RUNX2: variants seen among roughly 807,000 people sequenced by gnomAD.
RUNX2 encodes the protein RUNX family transcription factor 2, also known as runt-related transcription factor 2.
RUNX2 carries 10 observed loss-of-function variants against 51.7 expected under a neutral mutation model. The ratio of observed to expected loss-of-function variants is 0.19; its 90% confidence interval spans 0.12 to 0.33. RUNX2 has a LOEUF of 0.33. RUNX2 is among the 10% of genes least tolerant of loss of function. The probability of loss-of-function intolerance (pLI) is 1.00; values close to 1 mark genes in which losing one functional copy is unlikely to be tolerated. For missense variants in RUNX2, 562 were observed against 691.3 expected (o/e 0.81, Z 2.10); for synonymous variants, 276 against 273.6 (o/e 1.01, Z -0.09).
chr6:45,429,346 T>C (rs1798472953), intron 3 of RUNX2, among the ~76,000 whole-genome samples: 1 of 152,244 alleles, frequency 6.6e-6, no homozygotes, highest in Non-Finnish European at 1.5e-5. Context: ...ATGCTGAGTG[T>C]ACAAAATGTC....
At chr6:45,413,847 G>A (rs17209874) in intron 2 of RUNX2, among the ~76,000 whole-genome samples, 12,180 of 152,136 alleles carry the variant, frequency 0.08, 715 homozygotes, top group South Asian at 0.18. Flanking sequence ...GAAATCACTC[G>A]GTAAGTTCTC....
intron 5 of RUNX2, among the ~76,000 whole-genome samples, chr6:45,486,528 T>A (rs1013558908): frequency 6.6e-6 from 1 of 152,196 alleles, no homozygotes; most frequent in Non-Finnish European, 1.5e-5. Context: ...AGGGAATTTT[T>A]AAAATCAAGT....
At chr6:45,541,429 T>G (rs578063645) in intron 7 of RUNX2, among the ~76,000 whole-genome samples, 1 of 152,256 alleles carries the variant, frequency 6.6e-6, no homozygotes, top group East Asian at 1.9e-4. Context: ...GGGGAGAAGA[T>G]TCTTGGTTAC....
At chr6:45,332,238 C>A (rs185847941) in intron 2 of RUNX2, among the ~76,000 whole-genome samples, 191 of 151,536 alleles carry the variant, frequency 1.3e-3, no homozygotes, top group Middle Eastern at 3.4e-3. Context: ...AGAGGGCTTT[C>A]CCCCTCCCCC....
chr6:45,404,277 AAAAG>A (rs1563071103), intron 2 of RUNX2, among the ~76,000 whole-genome samples: 11 of 141,452 alleles, frequency 7.8e-5, no homozygotes, highest in Non-Finnish European at 1.1e-4. Context: ...AAAAAAAAGA[AAAAG>A]AAAAAAGAAA....
At chr6:45,341,997 G>C (rs562082429) in intron 2 of RUNX2, among the ~76,000 whole-genome samples, 1 of 151,906 alleles carries the variant, frequency 6.6e-6, no homozygotes, top group African/African-American at 2.4e-5. Context: ...TATTAACCTA[G>C]CATTAAAAAA....
chr6:45,351,629 A>G (rs1381060388), intron 2 of RUNX2, among the ~76,000 whole-genome samples: 2 of 152,030 alleles, frequency 1.3e-5, no homozygotes, highest in Non-Finnish European at 2.9e-5. Context: ...TACTCTACCT[A>G]GTTTTATACT....
rs58676176 is a variant in RUNX2 at position 45,434,535 on chromosome 6, T to G, written c.580+2516T>G. ...AAAGGAGTCATGTCACTACTGACTTTGACTTTATGGGTCATCTTATGACCA... is the reference window on the plus strand; with the variant it reads ...AAAGGAGTCATGTCACTACTGACTTGGACTTTATGGGTCATCTTATGACCA... On this transcript the variant is annotated intron_variant, in intron 4 of 8. Coordinates refer to ENST00000647337, the MANE Select transcript of RUNX2 (RefSeq NM_001024630.4). Among the ~76,000 whole-genome samples the G allele has an allele frequency of 4.1e-3, 622 of 152,360 alleles. 5 individuals carry two copies. The highest frequency in any genetic ancestry group is 0.014 in the African/African-American group (584 of 41,580).
chr6:45,421,188 A>T (rs1798177471), intron 2 of RUNX2: 1 of 152,190 alleles, frequency 6.6e-6, no homozygotes, highest in South Asian at 2.1e-4. Flanking sequence ...ATTTAAATTC[A>T]TGGAAAACGG....
intron 5 of RUNX2, among the ~76,000 whole-genome samples, chr6:45,453,132 T>C (rs1274746674): frequency 6.6e-6 from 1 of 152,196 alleles, no homozygotes; most frequent in Non-Finnish European, 1.5e-5. Flanking sequence ...ATGATTTATT[T>C]TCAAACCTCT....
chr6:45,393,492 C>T (rs1479791930), intron 2 of RUNX2, among the ~76,000 whole-genome samples: 3 of 151,946 alleles, frequency 2.0e-5, no homozygotes, highest in African/African-American at 7.3e-5. Context: ...GTGCAATGGC[C>T]GATCTCAGCT....
At chr6:45,443,036 C>CTTT (rs10564853) in intron 5 of RUNX2, among the ~76,000 whole-genome samples, 5 of 52,168 alleles carry the variant, frequency 9.6e-5, no homozygotes, top group African/African-American at 2.8e-4. Flanking sequence ...TCAGGCCTTG[C>CTTT]TTTTTTTTTT....
chr6:45,440,459 C>T (rs982553072), intron 5 of RUNX2, among the ~76,000 whole-genome samples: 1 of 152,168 alleles, frequency 6.6e-6, no homozygotes, highest in Non-Finnish European at 1.5e-5. Flanking sequence ...GACTGGCACA[C>T]GTTTTCTACG....
At chr6:45,515,252 G>A (rs1395578361) in intron 7 of RUNX2, among the ~76,000 whole-genome samples, 2 of 152,266 alleles carry the variant, frequency 1.3e-5, no homozygotes, top group Middle Eastern at 3.4e-3. Context: ...AGGATTGGAT[G>A]TTCGGACCCA....
intron 6 of RUNX2, among the ~76,000 whole-genome samples, chr6:45,500,115 G>A (rs147720853): frequency 3.9e-5 from 6 of 152,058 alleles, no homozygotes; most frequent in Non-Finnish European, 8.8e-5. Context: ...TTAGGCCTGC[G>A]CTTTGTGCAA....
At chr6:45,336,938 A>G (rs1428920408) in intron 2 of RUNX2, among the ~76,000 whole-genome samples, 1 of 151,698 alleles carries the variant, frequency 6.6e-6, no homozygotes, top group Admixed American at 6.6e-5. Context: ...TCATTATTAT[A>G]AACTGGCATA....
chr6:45,475,180 A>G (rs938003706), intron 5 of RUNX2, among the ~76,000 whole-genome samples: 2 of 152,128 alleles, frequency 1.3e-5, no homozygotes, highest in African/African-American at 4.8e-5. Flanking sequence ...CATGGGTATT[A>G]ATAACTATGA....
rs991950571 is a variant in RUNX2 at position 45,330,612 on chromosome 6, GCTT to G, written c.58+1832_58+1834del. 7.9e-5 allele frequency among the ~76,000 whole-genome samples: 12 copies of G among 152,082 alleles called. 1 individual carries two copies. Among genetic ancestry groups the G allele is most frequent in the African/African-American group, 2.9e-4 (12 of 41,522 alleles). On this transcript the variant is annotated intron_variant, in intron 2 of 8. Transcript: ENST00000647337. ...ATTCTCACAAAGAATATATTAAACT[GCTT>G]CTTATTCTATCATAACAGGGATCTT... is the stretch of plus-strand genomic sequence containing the variant.
In RUNX2 at chr6:45,328,777, C is replaced by T; in HGVS notation, c.51C>T (p.Phe17=). The stretch of plus-strand genomic sequence containing the variant: ...CAGTGACACCATGTCAGCAAAACTT[C>T]TTTTGGGGTAAGTGTTACCATTTTT... ...FSTVTPCQQN[F]FWDPSTSRRF... is the part of the protein sequence containing the mutation. Residue 17 remains phenylalanine, a synonymous_variant, in exon 2 of 9, where the codon TTC becomes TTT. Transcript: ENST00000647337. The T allele has an allele frequency of 6.2e-7, 1 of 1,611,972 alleles. No homozygotes were observed. Among genetic ancestry groups the T allele is most frequent in the Non-Finnish European group, 8.5e-7 (1 of 1,178,598 alleles).
Sources: gnomAD v4.1 joint callset for allele counts (sites outside exome capture counted in the v4.1 genomes callset) on GRCh38, gnomAD v4.1.1 for gene constraint, MANE v1.5 for transcripts, NCBI Gene and HGNC (gene_info 2026-07-23, HGNC 2026-07-21) for gene names.